The following ADAMTSL1 variants were observed in gnomAD, a reference collection of about 807,000 sequenced individuals.
The protein encoded by ADAMTSL1 is ADAMTS like 1.
In ADAMTSL1, 126 loss-of-function variants were observed where a neutral mutation model predicts 201.8. The ratio of observed to expected loss-of-function variants is 0.62; its 90% CI spans 0.54 to 0.72. ADAMTSL1 has a LOEUF of 0.72. Ranked by LOEUF, ADAMTSL1 falls within the 30% of genes least tolerant of loss-of-function variation. The probability of loss-of-function intolerance (pLI) is 0.00; values close to 1 mark genes in which losing one functional copy is unlikely to be tolerated. For synonymous variants in ADAMTSL1, 1,121 were observed against 903.4 expected, an observed-to-expected ratio of 1.24 and a Z score of -4.32; for missense variants, 2,679 against 2,277.8, an observed-to-expected ratio of 1.18 and a Z score of -3.59.
intron 26 of ADAMTSL1, among the ~76,000 whole-genome samples, chr9:18,897,235 C>G (rs1452650791): frequency 6.6e-6 from 1 of 152,210 alleles, no homozygotes; most frequent in African/African-American, 2.4e-5. Context: ...TGGGACAGAG[C>G]CCCCGGGGGA....
At chr9:18,901,142 TTTA>T in intron 26 of ADAMTSL1, among the ~76,000 whole-genome samples, 1 of 142,036 alleles carries the variant, frequency 7.0e-6, no homozygotes, top group Admixed American at 7.3e-5. Context: ...GCCCTTTTTC[TTTA>T]TTTAAAAAAA....
chr9:18,680,631 A>C, intron 11 of ADAMTSL1, 115 bp downstream of exon 11: 2 of 1,150,870 alleles, frequency 1.7e-6, no homozygotes, highest in South Asian at 2.8e-5. Context: ...GGTGTCTAGA[A>C]GCCTACCAGC....
intron 4 of ADAMTSL1, among the ~76,000 whole-genome samples, chr9:18,588,769 G>T (rs1046432984): frequency 2.0e-5 from 3 of 150,048 alleles, no homozygotes; most frequent in Non-Finnish European, 4.5e-5. Context: ...TTGGCTGTTG[G>T]TGCATGGATT....
Position 18,681,697 on chromosome 9 carries a change from T to TGTGTGTGGG in ADAMTSL1, c.1342-114_1342-113insTGTGTGGGG, listed in dbSNP as rs370940110. ...TATAAATTTACCAGGAGTCCTCGTG[T>TGTGTGTGGG]GGGGGGGGGGGGCGGGGAAAAAGAA... is the stretch of plus-strand genomic sequence containing the variant. On this transcript the variant is annotated intron_variant, in intron 11 of 28. Transcript: ENST00000380548. The TGTGTGTGGG allele has an allele frequency of 6.8e-4, 164 of 240,292 alleles. 1 individual carries two copies. The highest frequency in any genetic ancestry group is 3.0e-3 in the African/African-American group (47 of 15,462). The allele number at this position is 240,292 out of a possible 1,614,324, so 14.9% of individuals were successfully genotyped here.
intron 2 of ADAMTSL1, among the ~76,000 whole-genome samples, chr9:18,291,733 T>A (rs1338972161): frequency 1.1e-3 from 136 of 129,226 alleles, no homozygotes; most frequent in African/African-American, 4.2e-3. Flanking sequence ...TCTCTCTCTC[T>A]CTCTCTCTCT....
At chr9:18,483,026 A>G (rs1192388026) in intron 1 of ADAMTSL1, among the ~76,000 whole-genome samples, 1 of 152,224 alleles carries the variant, frequency 6.6e-6, no homozygotes, top group East Asian at 1.9e-4. Flanking sequence ...TTAAATTCCC[A>G]GCCCATAGAT....
chr9:18,179,407 A>C (rs1443888655), intron 2 of ADAMTSL1, among the ~76,000 whole-genome samples: 1 of 152,228 alleles, frequency 6.6e-6, no homozygotes, highest in African/African-American at 2.4e-5. Context: ...TGACTGGTGT[A>C]CCTGAAAGTG....
intron 1 of ADAMTSL1, among the ~76,000 whole-genome samples, chr9:17,920,856 C>G (rs1826272302): frequency 6.6e-6 from 1 of 152,170 alleles, no homozygotes; most frequent in African/African-American, 2.4e-5. Context: ...TGACTGTGTT[C>G]CAATAAACTA....
chr9:18,402,426 A>C (rs1014031016), intron 2 of ADAMTSL1, among the ~76,000 whole-genome samples: 1 of 151,958 alleles, frequency 6.6e-6, no homozygotes. Flanking sequence ...CTAATTGGCC[A>C]CTCTTCTACC....
intron 2 of ADAMTSL1, among the ~76,000 whole-genome samples, chr9:18,330,397 A>G (rs1834982953): frequency 6.6e-6 from 1 of 151,870 alleles, no homozygotes; most frequent in Non-Finnish European, 1.5e-5. Flanking sequence ...GACACAGTTG[A>G]GGACTGCCTT....
rs1208199583 is a variant in ADAMTSL1 at position 18,777,052 on chromosome 9, T to C, written c.2823T>C (p.Asp941=). The C allele has an allele frequency of 1.4e-5, 22 of 1,612,354 alleles. No individual in the cohort carries two copies. Among genetic ancestry groups the C allele is most frequent in the Non-Finnish European group, 1.8e-5 (21 of 1,179,114 alleles). The change falls in exon 19 of 29, where the codon GAT becomes GAC. Residue 941 remains aspartate, a synonymous_variant. Transcript: ENST00000380548. ...AGATCCACCGCCTCAAGCCCTCGGA[T>C]GCAGGCGTCTACACCTGCTCAGCGG... ...YLKIHRLKPS[D]AGVYTCSAGP...
chr9:18,386,415 C>G (rs1035914265), intron 2 of ADAMTSL1, among the ~76,000 whole-genome samples: 3 of 152,136 alleles, frequency 2.0e-5, no homozygotes, highest in Non-Finnish European at 4.4e-5. Context: ...ATTAAAGACA[C>G]TGGAATACTT....
In ADAMTSL1 at chr9:18,817,130, C is replaced by T. The variant is rs765237282; in HGVS notation, c.3827C>T (p.Ser1276Leu). 57 of 1,606,986 alleles carry T rather than the reference C, an allele frequency of 3.5e-5. No individual in the cohort carries two copies. The highest frequency in any genetic ancestry group is 4.7e-5 in the Non-Finnish European group (55 of 1,176,888). Residue 1276 changes from serine to leucine, a missense_variant, in exon 21 of 29, where the codon TCA becomes TTA. Physicochemically the swap from Ser to Leu is moderately radical, Grantham distance 145 (BLOSUM62 -2). Transcript: ENST00000380548. ...TLAGKPLVKT[S>L]RMTVINTEKP... Reference sequence around the variant, plus strand: ...TCAGGAAAGCCACTAGTGAAAACGTCACGAATGACAGTGATCAACACGGAG... The same window carrying T: ...TCAGGAAAGCCACTAGTGAAAACGTTACGAATGACAGTGATCAACACGGAG...
At chr9:18,684,608 C>A in intron 12 of ADAMTSL1, 108 bp from the exon 13 acceptor site, 2 of 1,219,270 alleles carry the variant, frequency 1.6e-6, no homozygotes, top group East Asian at 5.5e-5. Context: ...AAAACTTATT[C>A]GTGTTGGTCA....
At chr9:18,710,145 T>A (rs964027168) in intron 14 of ADAMTSL1, among the ~76,000 whole-genome samples, 1 of 152,236 alleles carries the variant, frequency 6.6e-6, no homozygotes, top group Middle Eastern at 3.4e-3. Context: ...ACACTCCCAG[T>A]TCCAGGGCGG....
At chr9:18,103,371 A>T (rs145334485) in intron 1 of ADAMTSL1, among the ~76,000 whole-genome samples, 1,768 of 152,260 alleles carry the variant, frequency 0.012, 34 homozygotes, top group African/African-American at 0.039. Flanking sequence ...AGATACTTAT[A>T]ACGATGTTTT....
At chr9:18,433,097 A>G (rs556956776) in intron 2 of ADAMTSL1, among the ~76,000 whole-genome samples, 136 of 152,276 alleles carry the variant, frequency 8.9e-4, no homozygotes, top group Admixed American at 1.9e-3. Flanking sequence ...TGTTTTAAAA[A>G]GAATGGGGAA....
At chr9:18,768,455 C>CTTTTTTTTT (rs10659731) in intron 16 of ADAMTSL1, among the ~76,000 whole-genome samples, 1 of 117,010 alleles carries the variant, frequency 8.5e-6, no homozygotes, top group African/African-American at 3.3e-5. Flanking sequence ...TGAGCCTCAG[C>CTTTTTTTTT]TTTTTTTTTT....
intron 2 of ADAMTSL1, among the ~76,000 whole-genome samples, chr9:18,460,121 T>C (rs958896350): frequency 5.9e-5 from 9 of 152,210 alleles, no homozygotes; most frequent in Non-Finnish European, 7.3e-5. Context: ...GTGCATTGTT[T>C]TGATGCTCTG....
Sources: allele counts gnomAD v4.1 joint callset (sites outside exome capture counted in the v4.1 genomes callset), GRCh38; gene constraint gnomAD v4.1.1; transcripts MANE v1.5; gene names NCBI Gene and HGNC (gene_info 2026-07-23, HGNC 2026-07-21).